The following USP6NL variants were observed in gnomAD, a reference collection of about 807,000 sequenced individuals.
USP6NL encodes USP6 N-terminal-like protein.
A neutral mutation model predicts 61.9 loss-of-function variants in USP6NL; 26 were observed. The ratio of observed to expected loss-of-function variants is 0.42; its 90% CI spans 0.31 to 0.58. The LOEUF (loss-of-function observed/expected upper bound fraction) is 0.58. USP6NL is among the 20% of genes least tolerant of loss of function. The pLI is 0.16. For missense variants in USP6NL, 1,114 were observed against 1,034.3 expected, an observed-to-expected ratio of 1.08 and a Z score of -1.06; for synonymous variants, 432 against 390.1, an observed-to-expected ratio of 1.11 and a Z score of -1.27.
intron 2 of USP6NL, among the ~76,000 whole-genome samples, chr10:11,556,070 T>C (rs1270291257): frequency 6.6e-6 from 1 of 152,092 alleles, no homozygotes; most frequent in Non-Finnish European, 1.5e-5. Flanking sequence ...TACAGAGATA[T>C]GGAAAGCATA....
rs1832896611 is a variant in USP6NL at position 11,474,747 on chromosome 10, G to C, written c.1078+7023C>G. On this transcript the variant is annotated intron_variant, in intron 14 of 14. Transcript: ENST00000609104. The surrounding 1 kb of genome is among the most constrained non-coding windows in gnomAD (Gnocchi z 4.9). ...CAACAAATGACTACTGCAAAGGGCTGCTGGAAAAAATTAAGTTAATATGTG... is the reference window on the plus strand; with the variant it reads ...CAACAAATGACTACTGCAAAGGGCTCCTGGAAAAAATTAAGTTAATATGTG... Among the ~76,000 whole-genome samples, 1 of 152,108 alleles carries C rather than the reference G, an allele frequency of 6.6e-6. No individual in the cohort carries two copies. The highest frequency in any genetic ancestry group is 1.5e-5 in the Non-Finnish European group (1 of 68,020).
rs558646161 is a variant in USP6NL at position 11,585,522 on chromosome 10, C to T, written c.4+12109G>A. On this transcript the variant is annotated intron_variant, in intron 2 of 14. Transcript: ENST00000609104. The surrounding 1 kb of genome is among the most constrained non-coding windows in gnomAD (Gnocchi z 4.5). Reference sequence around the variant, plus strand: ...CTAAAAATACAAAAAATTAGCTGGGCGTGGTGGCGGGCACCTGTACTCCCA... The same window carrying T: ...CTAAAAATACAAAAAATTAGCTGGGTGTGGTGGCGGGCACCTGTACTCCCA... Among the ~76,000 whole-genome samples, 1 of 152,032 alleles carries T rather than the reference C, an allele frequency of 6.6e-6. No homozygotes were observed. The highest frequency in any genetic ancestry group is 6.5e-5 in the Admixed American group (1 of 15,278).
intron 13 of USP6NL, among the ~76,000 whole-genome samples, chr10:11,483,420 G>A (rs1343627848): frequency 7.3e-6 from 1 of 136,754 alleles, no homozygotes; most frequent in Non-Finnish European, 1.5e-5. Flanking sequence ...TTAAGCTAAT[G>A]TCTCTTAATA....
chr10:11,554,966 A>ATTTTTTTTTTTTTTTTTTT lies in USP6NL; in HGVS notation c.5-27418_5-27400dup, dbSNP rs764342021. ...AGGTGCCTGCCACCATGCCCGGCTA[A>ATTTTTTTTTTTTTTTTTTT]TTTTTTTTTTTTTTTTTTTACTAGA... On this transcript the variant is annotated intron_variant, in intron 2 of 14. Transcript: ENST00000609104. Among the ~76,000 whole-genome samples the ATTTTTTTTTTTTTTTTTTT allele has an allele frequency of 3.6e-3, 400 of 111,698 alleles. 13 individuals are homozygous for ATTTTTTTTTTTTTTTTTTT. Among genetic ancestry groups the ATTTTTTTTTTTTTTTTTTT allele is most frequent in the African/African-American group, 7.7e-3 (233 of 30,280 alleles). The allele number at this position is 111,698 out of a possible 152,430, so 73.3% of individuals were successfully genotyped here. A position where few individuals can be genotyped will look rare whatever the true frequency, so the allele number is the denominator to read the frequency against.
chr10:11,544,660 T>C (rs1489889049), intron 2 of USP6NL, among the ~76,000 whole-genome samples: 1 of 152,146 alleles, frequency 6.6e-6, no homozygotes, highest in East Asian at 1.9e-4. Flanking sequence ...GCCAACCTTT[T>C]GTATTTTCAG....
chr10:11,483,305 T>C (rs1833283365), intron 13 of USP6NL, among the ~76,000 whole-genome samples: 1 of 151,868 alleles, frequency 6.6e-6, no homozygotes, highest in South Asian at 2.1e-4. Flanking sequence ...TAAAGAAACT[T>C]TTTACTTGTC....
At position 11,525,477 on chromosome 10, in the gene USP6NL, A is replaced by C. The variant is rs757444702; in HGVS notation, c.73-9T>G. On this transcript the variant is annotated splice_polypyrimidine_tract_variant and intron_variant, in intron 3 of 14. Coordinates refer to ENST00000609104, the MANE Select transcript of USP6NL (RefSeq NM_014688.5). The surrounding 1 kb of genome is among the most constrained non-coding windows in gnomAD (Gnocchi z 5.0). ...TCTGCACCTTCTCGTCCCTAAAATA[A>C]GGCACAAAAAAAGGTGTTAATCAGA... 6.4e-7 allele frequency: 1 copy of C among 1,565,336 alleles called. No individual in the cohort carries two copies. The highest frequency in any genetic ancestry group is 8.6e-7 in the Non-Finnish European group (1 of 1,165,134).
At chr10:11,579,798 T>C (rs774962333) in intron 2 of USP6NL, among the ~76,000 whole-genome samples, 6 of 152,074 alleles carry the variant, frequency 3.9e-5, no homozygotes, top group South Asian at 2.1e-4. Context: ...AAACATTTTC[T>C]ATAAAAGCTA....
intron 1 of USP6NL, among the ~76,000 whole-genome samples, chr10:11,609,480 G>T (rs1320054999): frequency 6.6e-6 from 1 of 152,196 alleles, no homozygotes; most frequent in Non-Finnish European, 1.5e-5. Flanking sequence ...TCGTTACAGT[G>T]AAATTGTGAA....
intron 14 of USP6NL, among the ~76,000 whole-genome samples, chr10:11,475,440 T>C (rs1197986667): frequency 6.6e-6 from 1 of 151,500 alleles, no homozygotes; most frequent in African/African-American, 2.4e-5. Context: ...TAAAAAAAAT[T>C]ACAAAATTAG....
intron 2 of USP6NL, among the ~76,000 whole-genome samples, chr10:11,588,089 C>G (rs576845840): frequency 1.1e-4 from 16 of 152,352 alleles, no homozygotes; most frequent in African/African-American, 3.8e-4. Context: ...CAGGAACCCT[C>G]CATCATCCAT....
chr10:11,527,451 A>AT lies in USP6NL; in HGVS notation c.72+48dup, dbSNP rs754121300. ...AAAAAGCAAATCCATTTCTATTTAT[A>AT]TGGTTTTTCTAATAAAACTCACCCA... is the stretch of plus-strand genomic sequence containing the variant. On this transcript the variant is annotated intron_variant, in intron 3 of 14. Transcript: ENST00000609104. 9.3e-6 allele frequency: 14 copies of AT among 1,513,138 alleles called. No homozygotes were observed. The East Asian group carries it at 3.4e-4, about 36-fold the overall frequency. The allele number at this position is 1,513,138 out of a possible 1,614,324, so 93.7% of individuals were successfully genotyped here. A position where few individuals can be genotyped will look rare whatever the true frequency, so the allele number is the denominator to read the frequency against.
At position 11,489,820 on chromosome 10, in the gene USP6NL, T is replaced by C. The variant is rs1016148912; in HGVS notation, c.544-598A>G. The stretch of plus-strand genomic sequence containing the variant: ...GGTTGCACTGACTCATCAGACACTG[T>C]CTCTATGAAATGTGAACAAAGCCAG... On this transcript the variant is annotated intron_variant, in intron 9 of 14. Coordinates refer to ENST00000609104, the MANE Select transcript of USP6NL (RefSeq NM_014688.5). This position sits in a 1 kb window ranked among gnomAD's most constrained non-coding sequence, Gnocchi z 5.7. Among the ~76,000 whole-genome samples the C allele has an allele frequency of 2.6e-5, 4 of 152,186 alleles. No homozygotes were observed. The highest frequency in any genetic ancestry group is 4.4e-5 in the Non-Finnish European group (3 of 68,032).
At chr10:11,512,364 T>A (rs189842844) in intron 5 of USP6NL, among the ~76,000 whole-genome samples, 1 of 152,214 alleles carries the variant, frequency 6.6e-6, no homozygotes, top group Admixed American at 6.5e-5. Context: ...CCATGTTCTG[T>A]CTCCTGCTTC....
chr10:11,522,740 CAG>C (rs1221665729), intron 4 of USP6NL, among the ~76,000 whole-genome samples: 1 of 152,226 alleles, frequency 6.6e-6, no homozygotes, highest in African/African-American at 2.4e-5. Flanking sequence ...TCATTTCAAA[CAG>C]TATCCTTCTC....
intron 6 of USP6NL, among the ~76,000 whole-genome samples, chr10:11,507,395 GA>G (rs1319377889): frequency 1.3e-5 from 2 of 152,178 alleles, no homozygotes; most frequent in African/African-American, 4.8e-5. Flanking sequence ...ATTCTACTTT[GA>G]AGTGTGTCCT....
At chr10:11,531,418 G>A (rs1042156519) in intron 2 of USP6NL, among the ~76,000 whole-genome samples, 5 of 151,972 alleles carry the variant, frequency 3.3e-5, no homozygotes, top group Non-Finnish European at 7.4e-5. Flanking sequence ...CACCTCCCAG[G>A]TTCAAGCAAC....
intron 2 of USP6NL, among the ~76,000 whole-genome samples, chr10:11,546,016 TTTAA>T (rs939140722): frequency 2.0e-5 from 3 of 152,250 alleles, no homozygotes; most frequent in African/African-American, 4.8e-5. Flanking sequence ...AGTAAATTAC[TTTAA>T]TTGACGATTT....
In USP6NL at chr10:11,491,941, A is replaced by G. The variant is rs1833723788; in HGVS notation, c.495-1061T>C. Among the ~76,000 whole-genome samples the G allele has an allele frequency of 6.6e-6, 1 of 152,196 alleles. No homozygotes were observed. The highest frequency in any genetic ancestry group is 6.5e-5 in the Admixed American group (1 of 15,278). On this transcript the variant is annotated intron_variant, in intron 8 of 14. Transcript: ENST00000609104. The surrounding 1 kb of genome is among the most constrained non-coding windows in gnomAD (Gnocchi z 4.7). Reference sequence around the variant, plus strand: ...AGAAGGGATTGCTGCAATTATTATGAGTATTTCTTCCTTATTTTTTTGTAA... The same window carrying G: ...AGAAGGGATTGCTGCAATTATTATGGGTATTTCTTCCTTATTTTTTTGTAA...
Sources: gnomAD v4.1 joint callset for allele counts (sites outside exome capture counted in the v4.1 genomes callset) on GRCh38, gnomAD v4.1.1 for gene constraint, Gnocchi (gnomAD v3.1) non-coding constraint, MANE v1.5 for transcripts, NCBI Gene and HGNC (gene_info 2026-07-23, HGNC 2026-07-21) for gene names.